Variants in DLG2 observed in about 807,000 individuals in gnomAD.
The protein encoded by DLG2 is disks large homolog 2.
In DLG2, 45 loss-of-function variants were observed where a neutral mutation model predicts 132.5. That is an observed-to-expected ratio of 0.34 (90% CI 0.27 to 0.44). The LOEUF (loss-of-function observed/expected upper bound fraction) is 0.44, where lower values mean the gene tolerates loss of function less well. Ranked by LOEUF, DLG2 falls within the 20% of genes least tolerant of loss-of-function variation. The pLI, the probability that DLG2 is intolerant of heterozygous loss-of-function variation, is 1.00. For synonymous variants in DLG2, 424 were observed against 419.6 expected, an observed-to-expected ratio of 1.01 and a Z score of -0.13; for missense variants, 1,045 against 1,196.9, an observed-to-expected ratio of 0.87 and a Z score of 1.87.
At chr11:85,546,801 C>CTAGGATAT (rs2076355869) in intron 3 of DLG2, among the ~76,000 whole-genome samples, 1 of 137,606 alleles carries the variant, frequency 7.3e-6, no homozygotes, top group African/African-American at 2.7e-5. Context: ...TTATCAGAGA[C>CTAGGATAT]TAGGATATAA....
chr11:85,495,073 C>A (rs565285983), intron 3 of DLG2, among the ~76,000 whole-genome samples: 2 of 151,646 alleles, frequency 1.3e-5, no homozygotes, highest in Non-Finnish European at 2.9e-5. Context: ...ATACAAATGG[C>A]CAATGAACAT....
chr11:83,819,761 T>C (rs187639625), intron 17 of DLG2, among the ~76,000 whole-genome samples: 2 of 152,162 alleles, frequency 1.3e-5, no homozygotes, highest in African/African-American at 4.8e-5. Context: ...ATAAGGAAGA[T>C]TAACTATTGA....
At chr11:84,594,889 T>C (rs2099552657) in intron 6 of DLG2, among the ~76,000 whole-genome samples, 1 of 152,140 alleles carries the variant, frequency 6.6e-6, no homozygotes, top group Non-Finnish European at 1.5e-5. Context: ...TCATTACTGG[T>C]TTAAAGCAAA....
chr11:84,511,174 T>G (rs1049187278), intron 7 of DLG2, among the ~76,000 whole-genome samples: 1 of 152,152 alleles, frequency 6.6e-6, no homozygotes, highest in Non-Finnish European at 1.5e-5. Flanking sequence ...ATTATAGTGC[T>G]CAGCTTACAT....
At chr11:84,435,581 T>C (rs2098997984) in intron 7 of DLG2, among the ~76,000 whole-genome samples, 1 of 152,224 alleles carries the variant, frequency 6.6e-6, no homozygotes, top group Non-Finnish European at 1.5e-5. Flanking sequence ...TTCTCTAATG[T>C]AGATTTCCTG....
chr11:84,779,385 T>C (rs2071303347), intron 6 of DLG2, among the ~76,000 whole-genome samples: 1 of 152,192 alleles, frequency 6.6e-6, no homozygotes, highest in Non-Finnish European at 1.5e-5. Flanking sequence ...TTTCTACAAA[T>C]GCTACTTATT....
chr11:83,912,735 T>C (rs1045166633), intron 15 of DLG2, among the ~76,000 whole-genome samples: 3 of 152,172 alleles, frequency 2.0e-5, no homozygotes, highest in African/African-American at 7.2e-5. Context: ...TTTGTATGTG[T>C]ACATTGCAAA....
At chr11:83,697,624 C>T (rs1057498560) in intron 18 of DLG2, among the ~76,000 whole-genome samples, 20 of 152,168 alleles carry the variant, frequency 1.3e-4, no homozygotes, top group African/African-American at 4.6e-4. Flanking sequence ...AAAGACCAAA[C>T]TTGGGAATGG....
At chr11:83,685,052 A>G (rs913404060) in intron 18 of DLG2, among the ~76,000 whole-genome samples, 1 of 152,146 alleles carries the variant, frequency 6.6e-6, no homozygotes. Flanking sequence ...GGCTGACAAT[A>G]TACAAAACTT....
At chr11:84,370,424 G>A (rs2098701447) in intron 7 of DLG2, among the ~76,000 whole-genome samples, 2 of 152,104 alleles carry the variant, frequency 1.3e-5, no homozygotes, top group Non-Finnish European at 1.5e-5. Flanking sequence ...GTAATAGTAG[G>A]AAGTTTGGGG....
intron 6 of DLG2, among the ~76,000 whole-genome samples, chr11:84,730,576 A>G (rs748345560): frequency 6.6e-6 from 1 of 152,060 alleles, no homozygotes; most frequent in East Asian, 1.9e-4. Flanking sequence ...TCAAAAAAAT[A>G]TACTAAATCA....
At chr11:84,238,642 T>G (rs1172755011) in intron 8 of DLG2, among the ~76,000 whole-genome samples, 1 of 151,614 alleles carries the variant, frequency 6.6e-6, no homozygotes. Context: ...AGTATTTGCT[T>G]TTTTTTTTTT....
intron 4 of DLG2, among the ~76,000 whole-genome samples, chr11:85,278,064 T>A (rs1231817052): frequency 6.6e-6 from 1 of 152,192 alleles, no homozygotes; most frequent in African/African-American, 2.4e-5. Context: ...TAATCAGTCT[T>A]ACTACTCTCA....
intron 3 of DLG2, among the ~76,000 whole-genome samples, chr11:85,387,044 C>T (rs2086400322): frequency 6.6e-6 from 1 of 151,888 alleles, no homozygotes; most frequent in African/African-American, 2.4e-5. Context: ...CACACCACCA[C>T]ACTCAGATAA....
At position 85,621,792 on chromosome 11, in the gene DLG2, G is replaced by A. The variant is rs540184322; in HGVS notation, c.-93+4795C>T. On this transcript the variant is annotated intron_variant, in intron 2 of 27. Coordinates refer to ENST00000376104, the MANE Select transcript of DLG2 (RefSeq NM_001142699.3). ...GATGAAATCTACTTCCAGTGAAGAT[G>A]TTGTGAACATTGTTTGAAATGGCAA... 3.3e-5 allele frequency among the ~76,000 whole-genome samples: 5 copies of A among 152,346 alleles called. No homozygotes were observed. In the South Asian group the frequency reaches 1.0e-3, roughly 32 times the overall value.
intron 7 of DLG2, among the ~76,000 whole-genome samples, chr11:84,307,664 C>A (rs1235187209): frequency 2.1e-5 from 3 of 141,372 alleles, no homozygotes; most frequent in East Asian, 4.0e-4. Context: ...CCACTGCAGT[C>A]CGGCCTGGGT....
At chr11:84,715,911 C>T (rs2061167122) in intron 6 of DLG2, among the ~76,000 whole-genome samples, 1 of 151,954 alleles carries the variant, frequency 6.6e-6, no homozygotes, top group Non-Finnish European at 1.5e-5. Context: ...AATTTCGTTT[C>T]CTTTGGTTAT....
At chr11:84,452,457 T>C (rs941816309) in intron 7 of DLG2, among the ~76,000 whole-genome samples, 2 of 151,722 alleles carry the variant, frequency 1.3e-5, no homozygotes, top group Non-Finnish European at 2.9e-5. Context: ...GTCTTAAAAA[T>C]TTTGACTCTA....
intron 14 of DLG2, among the ~76,000 whole-genome samples, chr11:83,941,930 G>A (rs570095313): frequency 1.3e-5 from 2 of 152,072 alleles, no homozygotes; most frequent in African/African-American, 2.4e-5. Context: ...ACATGGCACC[G>A]GCTACCTTTT....
Sources: allele counts gnomAD v4.1 joint callset (sites outside exome capture counted in the v4.1 genomes callset), GRCh38; gene constraint gnomAD v4.1.1; transcripts MANE v1.5; gene names NCBI Gene and HGNC (gene_info 2026-07-23, HGNC 2026-07-21).